MINK1: variants seen among roughly 807,000 people sequenced by gnomAD.
MINK1 encodes misshapen-like kinase 1.
A neutral mutation model predicts 178.4 loss-of-function variants in MINK1; 46 were observed. The observed-to-expected ratio is 0.26, with a 90% CI of 0.20 to 0.33. The LOEUF is 0.33. Ranked by LOEUF, MINK1 falls within the 10% of genes least tolerant of loss-of-function variation. MINK1 has a pLI of 1.00. For synonymous variants in MINK1, 797 were observed against 709.7 expected, an observed-to-expected ratio of 1.12 and a Z score of -1.96; for missense variants, 1,366 against 1,814.9, an observed-to-expected ratio of 0.75 and a Z score of 4.49.
At chr17:4,841,525 C>T (rs914591605) in intron 1 of MINK1, among the ~76,000 whole-genome samples, 4 of 151,102 alleles carry the variant, frequency 2.6e-5, no homozygotes, top group Non-Finnish European at 5.9e-5. Context: ...ACAAAGCCCC[C>T]CCTCCGATTT....
Position 4,897,122 on chromosome 17 carries a change from C to T in MINK1, c.3916-82C>T, listed in dbSNP as rs952239621. 25 of 1,187,952 alleles carry T rather than the reference C, an allele frequency of 2.1e-5. No individual in the cohort carries two copies. In the East Asian group the frequency reaches 5.3e-4, roughly 25 times the overall value. The allele number at this position is 1,187,952 out of a possible 1,614,324, so 73.6% of individuals were successfully genotyped here. On this transcript the variant is annotated intron_variant, in intron 31 of 31. Transcript: ENST00000355280. Reference sequence around the variant, plus strand: ...TGTCTCCCTCAACTCTTCTGCCACCCCTTCTTCCCTTCTTTCCCTCTCCCA... The same window carrying T: ...TGTCTCCCTCAACTCTTCTGCCACCTCTTCTTCCCTTCTTTCCCTCTCCCA...
intron 1 of MINK1, 96 bp from the exon 2 acceptor site, chr17:4,878,221 C>T (rs929349238): frequency 1.8e-6 from 2 of 1,119,076 alleles, no homozygotes; most frequent in Non-Finnish European, 1.3e-6. Context: ...CTGGTCTTCA[C>T]TCCCATATCT....
intron 1 of MINK1, among the ~76,000 whole-genome samples, chr17:4,839,487 C>G (rs935183572): frequency 1.3e-5 from 2 of 152,190 alleles, no homozygotes; most frequent in African/African-American, 4.8e-5. Context: ...AGTCAACTCT[C>G]AAAGCATTTC....
intron 1 of MINK1, among the ~76,000 whole-genome samples, chr17:4,854,081 G>C (rs536166561): frequency 2.9e-4 from 44 of 152,266 alleles, no homozygotes; most frequent in Non-Finnish European, 5.4e-4. Flanking sequence ...ATTTCTGACT[G>C]TGATGGTGTT....
In MINK1 at chr17:4,894,446, G is replaced by A. The variant is rs545126062; in HGVS notation, c.2809-79G>A. 1 of 1,519,054 alleles carries A rather than the reference G, an allele frequency of 6.6e-7. No individual in the cohort carries two copies. The highest frequency in any genetic ancestry group is 2.4e-5 in the East Asian group (1 of 40,916). 94.1% of individuals were successfully genotyped at this position (1,519,054 alleles called of 1,614,324 possible). ...AGCGGGGGTGCCAGTTGGGGAGCTG[G>A]AGCCTGGGGAACAGCAGCAGGGGCA... On this transcript the variant is annotated intron_variant, in intron 23 of 31. Coordinates refer to ENST00000355280, the MANE Select transcript of MINK1 (RefSeq NM_153827.5). This position sits in a 1 kb window ranked among gnomAD's most constrained non-coding sequence, Gnocchi z 4.1.
rs556696553 is a variant in MINK1, at chr17:4,833,816, C to T, written c.57+176C>T. ...GCGGCTGGGCCCCCGCCCTCTGCTC[C>T]CTTCTCTCTCCACTGGCTGCAGATG... is the stretch of plus-strand genomic sequence containing the variant. On this transcript the variant is annotated intron_variant, in intron 1 of 31. Coordinates refer to ENST00000355280, the MANE Select transcript of MINK1 (RefSeq NM_153827.5). This position sits in a 1 kb window ranked among gnomAD's most constrained non-coding sequence, Gnocchi z 4.8. Among the ~76,000 whole-genome samples, 1 of 152,344 alleles carries T rather than the reference C, an allele frequency of 6.6e-6. No homozygotes were observed. The highest frequency in any genetic ancestry group is 6.5e-5 in the Admixed American group (1 of 15,308).
At position 4,833,759 on chromosome 17, in the gene MINK1, G is replaced by A. The variant is rs1320559026; in HGVS notation, c.57+119G>A. The A allele has an allele frequency of 2.6e-6, 2 of 783,098 alleles. No homozygotes were observed. The highest frequency in any genetic ancestry group is 3.8e-6 in the Non-Finnish European group (2 of 532,906). 48.5% of individuals were successfully genotyped at this position (783,098 alleles called of 1,614,324 possible). Reference sequence around the variant, plus strand: ...CCCCTCCACCAGCTTGGGTCCCCTTGGCGACCCGTGCCCCTTTCCCGGACT... The same window carrying A: ...CCCCTCCACCAGCTTGGGTCCCCTTAGCGACCCGTGCCCCTTTCCCGGACT... On this transcript the variant is annotated intron_variant, in intron 1 of 31. Transcript: ENST00000355280. This position sits in a 1 kb window ranked among gnomAD's most constrained non-coding sequence, Gnocchi z 4.8.
intron 1 of MINK1, among the ~76,000 whole-genome samples, chr17:4,837,754 G>A (rs1055418189): frequency 7.9e-5 from 12 of 152,296 alleles, no homozygotes; most frequent in Admixed American, 5.2e-4. Flanking sequence ...CATCCAGCTC[G>A]AAGTTTGACT....
chr17:4,885,678 G>A lies in MINK1; in HGVS notation c.639+65G>A, dbSNP rs1968137177. On this transcript the variant is annotated intron_variant, in intron 7 of 31. Transcript: ENST00000355280. The surrounding 1 kb of genome is among the most constrained non-coding windows in gnomAD (Gnocchi z 5.0). ...GCGGGAAGCAATATGGGGACCACGG[G>A]GCCTGAGCAGGCTGGGGAACAGAGG... 1.0e-5 allele frequency: 16 copies of A among 1,596,042 alleles called. No homozygotes were observed. Among genetic ancestry groups the A allele is most frequent in the Non-Finnish European group, 1.4e-5 (16 of 1,168,000 alleles).
Position 4,893,082 on chromosome 17 carries a change from G to A in MINK1, c.2400+15G>A, listed in dbSNP as rs914301592. 6.4e-7 allele frequency: 1 copy of A among 1,554,084 alleles called. No individual in the cohort carries two copies. Among genetic ancestry groups the A allele is most frequent in the Non-Finnish European group, 8.7e-7 (1 of 1,150,278 alleles). The stretch of plus-strand genomic sequence containing the variant: ...GCCGGCCCGCAGTGAGTCACCTGGT[G>A]GCAGGCATGGCCTGCCTCATCCTGG... On this transcript the variant is annotated intron_variant, in intron 20 of 31. Transcript: ENST00000355280.
Position 4,894,338 on chromosome 17 carries a change from G to C in MINK1, c.2808+27G>C. ...TAAGTGGGCCGGAGGCAGGTCCGCC[G>C]GGAGAGAAGAGCCCTGGCGATGGGC... On this transcript the variant is annotated intron_variant, in intron 23 of 31. Transcript: ENST00000355280. The surrounding 1 kb of genome is among the most constrained non-coding windows in gnomAD (Gnocchi z 4.1). The C allele has an allele frequency of 6.2e-7, 1 of 1,604,664 alleles. No individual in the cohort carries two copies. The highest frequency in any genetic ancestry group is 8.5e-7 in the Non-Finnish European group (1 of 1,176,624).
In MINK1 at chr17:4,870,091, TG is replaced by T. The variant is rs1409007791; in HGVS notation, c.58-8225del. 6.6e-5 allele frequency among the ~76,000 whole-genome samples: 10 copies of T among 151,682 alleles called. No homozygotes were observed. The East Asian group carries it at 9.7e-4, about 15-fold the overall frequency. The stretch of plus-strand genomic sequence containing the variant: ...CCCAGCTAACTTTTTTTTTTTATTT[TG>T]TAGTAGAGACGGGGTTTCACCGTGT... On this transcript the variant is annotated intron_variant, in intron 1 of 31. Coordinates refer to ENST00000355280, the MANE Select transcript of MINK1 (RefSeq NM_153827.5).
At chr17:4,874,496 C>G (rs1052752212) in intron 1 of MINK1, among the ~76,000 whole-genome samples, 6 of 152,062 alleles carry the variant, frequency 3.9e-5, no homozygotes, top group Non-Finnish European at 7.4e-5. Context: ...TCAGTGGCAG[C>G]AGAAGGAAGA....
rs1969254838 is a variant in MINK1, at chr17:4,894,693, G to A, written c.2917+60G>A. 4 of 1,327,402 alleles carry A rather than the reference G, an allele frequency of 3.0e-6. No individual in the cohort carries two copies. Among genetic ancestry groups the A allele is most frequent in the Middle Eastern group, 1.8e-4 (1 of 5,534 alleles). 82.2% of individuals were successfully genotyped at this position (1,327,402 alleles called of 1,614,324 possible). ...GGGTCCAGGGGCAGCCTGGAGGGGA[G>A]CACAGTGGTCTTGAGACGCAGCCTC... is the stretch of plus-strand genomic sequence containing the variant. On this transcript the variant is annotated intron_variant, in intron 24 of 31. Coordinates refer to ENST00000355280, the MANE Select transcript of MINK1 (RefSeq NM_153827.5). This position sits in a 1 kb window ranked among gnomAD's most constrained non-coding sequence, Gnocchi z 4.1.
intron 20 of MINK1, 83 bp downstream of exon 20, chr17:4,893,150 C>T: frequency 1.3e-6 from 2 of 1,504,088 alleles, no homozygotes; most frequent in Admixed American, 1.9e-5. Context: ...GGGGTGGGGT[C>T]TCCGCTGATC....
chr17:4,865,182 G>C (rs1045357701), intron 1 of MINK1, among the ~76,000 whole-genome samples: 130 of 152,254 alleles, frequency 8.5e-4, no homozygotes, highest in African/African-American at 3.1e-3. Flanking sequence ...TGTAATCCCA[G>C]CACTTTGGGA....
intron 1 of MINK1, among the ~76,000 whole-genome samples, chr17:4,868,587 G>GATTTC (rs1452436434): frequency 2.6e-5 from 4 of 152,140 alleles, no homozygotes; most frequent in African/African-American, 9.7e-5. Context: ...CAAGTGGACA[G>GATTTC]ATTTCATTAC....
chr17:4,896,851 G>T lies in MINK1; in HGVS notation c.3915+38G>T. ...TTCCCTCTGAAAGCCCTGCTGTCCC[G>T]GCTGCCATGACCCTAGGCCCCTGGG... On this transcript the variant is annotated intron_variant, in intron 31 of 31. Transcript: ENST00000355280. This position sits in a 1 kb window ranked among gnomAD's most constrained non-coding sequence, Gnocchi z 4.6. 1 of 1,533,318 alleles carries T rather than the reference G, an allele frequency of 6.5e-7. No individual in the cohort carries two copies. 95.0% of individuals were successfully genotyped at this position (1,533,318 alleles called of 1,614,324 possible). A position where few individuals can be genotyped will look rare whatever the true frequency, so the allele number is the denominator to read the frequency against.
At chr17:4,860,406 G>T (rs1913977852) in intron 1 of MINK1, among the ~76,000 whole-genome samples, 1 of 152,190 alleles carries the variant, frequency 6.6e-6, no homozygotes, top group African/African-American at 2.4e-5. Flanking sequence ...CTGAGTTTCA[G>T]TTCGTGTCCC....
Sources: gnomAD v4.1 joint callset for allele counts (sites outside exome capture counted in the v4.1 genomes callset) on GRCh38, gnomAD v4.1.1 for gene constraint, Gnocchi (gnomAD v3.1) non-coding constraint, MANE v1.5 for transcripts, NCBI Gene and HGNC (gene_info 2026-07-23, HGNC 2026-07-21) for gene names.